Variants in AHNAK observed in about 807,000 individuals in gnomAD.
AHNAK encodes AHNAK nucleoprotein.
A neutral mutation model predicts 37.8 loss-of-function variants in AHNAK; 23 were observed. The observed-to-expected ratio is 0.61, with a 90% CI of 0.44 to 0.86. The LOEUF is 0.86. Ranked by LOEUF, AHNAK falls within the 40% of genes least tolerant of loss-of-function variation. The probability of loss-of-function intolerance (pLI) is 0.00; values close to 1 mark genes in which losing one functional copy is unlikely to be tolerated. For missense variants in AHNAK, 7,411 were observed against 7,319.4 expected (o/e 1.01, Z -0.46); for synonymous variants, 2,481 against 2,636.3 (o/e 0.94, Z 1.80).
intron 5 of AHNAK, among the ~76,000 whole-genome samples, chr11:62,466,705 C>T (rs943988331): frequency 6.6e-6 from 1 of 152,120 alleles, no homozygotes; most frequent in Non-Finnish European, 1.5e-5. Context: ...TTCAGGAAGA[C>T]AAGAACTTAC....
intron 4 of AHNAK, among the ~76,000 whole-genome samples, chr11:62,496,023 T>C (rs1939602521): frequency 6.7e-6 from 1 of 148,882 alleles, no homozygotes; most frequent in African/African-American, 2.5e-5. Flanking sequence ...CACTCCAGCA[T>C]GGGTGACAGA....
intron 5 of AHNAK, among the ~76,000 whole-genome samples, chr11:62,487,472 C>T (rs1209282420): frequency 6.6e-6 from 1 of 152,234 alleles, no homozygotes; most frequent in Non-Finnish European, 1.5e-5. Context: ...TCCAGCACCT[C>T]ACCCCTCAAA....
chr11:62,544,691 T>A (rs770796071), intron 1 of AHNAK, among the ~76,000 whole-genome samples: 7 of 152,136 alleles, frequency 4.6e-5, no homozygotes, highest in Non-Finnish European at 7.4e-5. Flanking sequence ...GTGACCCCGC[T>A]GTCCCTAAGG....
chr11:62,529,652 T>G lies in AHNAK; in HGVS notation c.4765A>C (p.Lys1589Gln). ...ACATCAGTTTTCAGTTTAGGGGCTTTCAAATTAAGTCCAACATCAGGCATA... is the reference window on the plus strand; with the variant it reads ...ACATCAGTTTTCAGTTTAGGGGCTTGCAAATTAAGTCCAACATCAGGCATA... ...ISMPDVGLNL[K>Q]APKLKTDVDV... Residue 1589 changes from lysine (K) to glutamine (Q), a missense_variant, in exon 5 of 5, where the codon AAA (lysine) becomes CAA (glutamine). Coordinates refer to ENST00000378024, the MANE Select transcript of AHNAK (RefSeq NM_001620.3). 2 of 1,614,166 alleles carry G rather than the reference T, an allele frequency of 1.2e-6. No individual in the cohort carries two copies. Among genetic ancestry groups the G allele is most frequent in the Non-Finnish European group, 1.7e-6 (2 of 1,180,030 alleles).
At chr11:62,471,661 A>G (rs1939038067) in intron 5 of AHNAK, among the ~76,000 whole-genome samples, 1 of 152,084 alleles carries the variant, frequency 6.6e-6, no homozygotes. Context: ...CTATCACTGT[A>G]CATGTTGCAA....
In AHNAK at chr11:62,531,504, C is replaced by G. The variant is rs149215078; in HGVS notation, c.2913G>C (p.Leu971=). ...CTTTTGGGCCTTTCAGGTCCCCTTC[C>G]AGCTTTGGCACTGTCATATCATATT... ...KGEYDMTVPK[L]EGDLKGPKVD... Residue 971 remains leucine, a synonymous_variant, in exon 5 of 5, where the codon CTG becomes CTC. Coordinates refer to ENST00000378024, the MANE Select transcript of AHNAK (RefSeq NM_001620.3). The G allele has an allele frequency of 5.0e-6, 8 of 1,614,196 alleles. No homozygotes were observed. Among genetic ancestry groups the G allele is most frequent in the Non-Finnish European group, 6.8e-6 (8 of 1,180,036 alleles).
At chr11:62,506,763 G>C (rs1939820056) in intron 4 of AHNAK, among the ~76,000 whole-genome samples, 1 of 152,142 alleles carries the variant, frequency 6.6e-6, no homozygotes, top group Non-Finnish European at 1.5e-5. Flanking sequence ...TATTATTATA[G>C]TGGAAGAGTG....
At chr11:62,499,093 C>A (rs1939666898) in intron 4 of AHNAK, among the ~76,000 whole-genome samples, 2 of 152,170 alleles carry the variant, frequency 1.3e-5, no homozygotes, top group African/African-American at 4.8e-5. Flanking sequence ...GGAAGACAGG[C>A]ATGGGCATGG....
At chr11:62,477,769 T>C (rs1193981825) in intron 5 of AHNAK, among the ~76,000 whole-genome samples, 1 of 150,554 alleles carries the variant, frequency 6.6e-6, no homozygotes, top group African/African-American at 2.5e-5. Flanking sequence ...GCCACTGCAC[T>C]CCAGCCTAGG....
At position 62,526,767 on chromosome 11, in the gene AHNAK, G is replaced by A. The variant is rs1940506234; in HGVS notation, c.7650C>T (p.Gly2550=). ...CTGGTCCTTCAATATTAACATCAGGGCCTTCAATGTCCACCTTGGGTCCTG... is the reference window on the plus strand; with the variant it reads ...CTGGTCCTTCAATATTAACATCAGGACCTTCAATGTCCACCTTGGGTCCTG... ...DISGPKVDIE[G]PDVNIEGPEG... Residue 2550 remains glycine, a synonymous_variant, in exon 5 of 5, where the codon GGC becomes GGT. Coordinates refer to ENST00000378024, the MANE Select transcript of AHNAK (RefSeq NM_001620.3). 5.6e-6 allele frequency: 9 copies of A among 1,613,162 alleles called. No individual in the cohort carries two copies. Among genetic ancestry groups the A allele is most frequent in the Non-Finnish European group, 7.6e-6 (9 of 1,179,886 alleles).
chr11:62,465,493 A>G (rs1444138836), intron 5 of AHNAK, among the ~76,000 whole-genome samples: 2 of 151,840 alleles, frequency 1.3e-5, no homozygotes, highest in East Asian at 1.9e-4. Context: ...GGCGCCTGTA[A>G]TCCCAGCTAC....
chr11:62,487,750 G>A (rs1252679112), intron 5 of AHNAK, among the ~76,000 whole-genome samples: 4 of 152,160 alleles, frequency 2.6e-5, no homozygotes, highest in Non-Finnish European at 5.9e-5. Flanking sequence ...AAGTGTTACC[G>A]TGAGAAAACC....
At position 62,523,541 on chromosome 11, in the gene AHNAK, G is replaced by A. The variant is rs764526020; in HGVS notation, c.10876C>T (p.Leu3626Phe). ...GAAATGTCAATGTCAGCTTTAGGGA[G>A]GGTAACATCGACTTCAGGGCCTTCT... The part of the protein sequence containing the change: ...KGEGPEVDVT[L>F]PKADIDISGP... Residue 3626 changes from leucine to phenylalanine, a missense_variant, in exon 5 of 5, where the codon CTC becomes TTC. Physicochemically the swap from Leu to Phe is conservative, Grantham distance 22 (BLOSUM62 0). Coordinates refer to ENST00000378024, the MANE Select transcript of AHNAK (RefSeq NM_001620.3). 27 of 1,613,898 alleles carry A rather than the reference G, an allele frequency of 1.7e-5. No homozygotes were observed. The East Asian group carries it at 5.8e-4, about 35-fold the overall frequency.
In AHNAK at chr11:62,523,525, A is replaced by C; in HGVS notation, c.10892T>G (p.Ile3631Ser). The change falls in exon 5 of 5, where the codon ATT becomes AGT. Residue 3631 changes from isoleucine to serine, a missense_variant. Physicochemically the swap from Ile to Ser is moderately radical, Grantham distance 142 (BLOSUM62 -2). Coordinates refer to ENST00000378024, the MANE Select transcript of AHNAK (RefSeq NM_001620.3). The stretch of plus-strand genomic sequence containing the variant: ...GTCTACATTGGGACCAGAAATGTCA[A>C]TGTCAGCTTTAGGGAGGGTAACATC... ...EVDVTLPKAD[I>S]DISGPNVDVD... The C allele has an allele frequency of 6.2e-7, 1 of 1,614,048 alleles. No individual in the cohort carries two copies. The highest frequency in any genetic ancestry group is 8.5e-7 in the Non-Finnish European group (1 of 1,180,010).
exon 6 of AHNAK, chr11:62,433,878 C>T (rs769746556): frequency 6.2e-7 from 1 of 1,613,852 alleles, no homozygotes; most frequent in African/African-American, 1.3e-5. Flanking sequence ...TTCTTCCTGG[C>T]CGCTTCTACA....
rs202011056 is a variant in AHNAK at position 62,533,182 on chromosome 11, C to A, written c.1235G>T (p.Ser412Ile). The A allele has an allele frequency of 2.7e-4, 414 of 1,531,764 alleles. 2 individuals are homozygous for A. In the Admixed American group the frequency reaches 8.3e-3, roughly 31 times the overall value. The allele number at this position is 1,531,764 out of a possible 1,614,324, so 94.9% of individuals were successfully genotyped here. A position where few individuals can be genotyped will look rare whatever the true frequency, so the allele number is the denominator to read the frequency against. ...PQIGGSITGP[S>I]VEVQAPDIDV... ...AATGTCAGGGGCCTGAACTTCCACACTGGGGCCAGTGATGCTACCCCCAAT... is the reference window on the plus strand; with the variant it reads ...AATGTCAGGGGCCTGAACTTCCACAATGGGGCCAGTGATGCTACCCCCAAT... The change falls in exon 5 of 5, where the codon AGT (serine) becomes ATT (isoleucine). Residue 412 changes from serine to isoleucine, a missense_variant. Transcript: ENST00000378024.
At chr11:62,546,504 G>A (rs1354396008) in intron 1 of AHNAK, among the ~76,000 whole-genome samples, 156 bp downstream of exon 1, 1 of 152,218 alleles carries the variant, frequency 6.6e-6, no homozygotes, top group Non-Finnish European at 1.5e-5. Flanking sequence ...GCGACGCGTC[G>A]CCGCCCCGGG....
In AHNAK at chr11:62,533,935, G is replaced by A; in HGVS notation, c.482C>T (p.Thr161Ile). Residue 161 changes from threonine to isoleucine, a missense_variant, in exon 5 of 5, where the codon ACT becomes ATT. By Grantham distance (89) the Thr-to-Ile change is moderately conservative. Coordinates refer to ENST00000378024, the MANE Select transcript of AHNAK (RefSeq NM_001620.3). ...TCCTTCCCGGCCAGTCACATCCACA[G>A]TGTAGGCCGTGACCCTTCTGGTCAC... is the stretch of plus-strand genomic sequence containing the variant. Reference protein sequence around the residue: ...ITVTRRVTAYTVDVTGREGAK... With the variant: ...ITVTRRVTAYIVDVTGREGAK... 6.2e-7 allele frequency: 1 copy of A among 1,614,142 alleles called. No homozygotes were observed. Among genetic ancestry groups the A allele is most frequent in the Non-Finnish European group, 8.5e-7 (1 of 1,180,016 alleles).
At chr11:62,477,191 G>A (rs971510271) in intron 5 of AHNAK, among the ~76,000 whole-genome samples, 1 of 152,144 alleles carries the variant, frequency 6.6e-6, no homozygotes, top group African/African-American at 2.4e-5. Flanking sequence ...GTCGAATCCC[G>A]AAGCATGGAT....
Sources: allele counts gnomAD v4.1 joint callset (sites outside exome capture counted in the v4.1 genomes callset), GRCh38; gene constraint gnomAD v4.1.1; transcripts MANE v1.5; gene names NCBI Gene and HGNC (gene_info 2026-07-23, HGNC 2026-07-21).